The following POLI variants were observed in gnomAD, a reference collection of about 807,000 sequenced individuals.
POLI encodes the protein DNA polymerase iota, also known as RAD30 homolog B.
POLI carries 58 observed loss-of-function variants against 51.6 expected under a neutral mutation model. The ratio of observed to expected loss-of-function variants is 1.12; its 90% CI spans 0.91 to 1.40. The LOEUF (loss-of-function observed/expected upper bound fraction) is 1.40, where lower values mean the gene tolerates loss of function less well. POLI is among the 40% of genes most tolerant of loss of function. The pLI is 0.00. For missense variants in POLI, 921 were observed against 871.3 expected (o/e 1.06, Z -0.72); for synonymous variants, 322 against 299.7 (o/e 1.07, Z -0.77).
chr18:54,281,025 T>A (rs2087476913), intron 5 of POLI, 122 bp downstream of exon 5: 1 of 573,174 alleles, frequency 1.7e-6, no homozygotes, highest in African/African-American at 1.9e-5. Flanking sequence ...TGTGCATGTG[T>A]GTGTGTGTGT....
At chr18:54,278,379 TTTA>T (rs1307184980) in intron 4 of POLI, among the ~76,000 whole-genome samples, 2 of 152,226 alleles carry the variant, frequency 1.3e-5, no homozygotes, top group African/African-American at 2.4e-5. Context: ...GGAATAATTT[TTTA>T]TTATTCTAAA....
In POLI at chr18:54,282,817, A is replaced by G. The variant is rs1279496680; in HGVS notation, c.797-20A>G. 2.9e-6 allele frequency: 4 copies of G among 1,356,712 alleles called. No individual in the cohort carries two copies. In the South Asian group the frequency reaches 4.0e-5, roughly 14 times the overall value. 84.0% of individuals were successfully genotyped at this position (1,356,712 alleles called of 1,614,324 possible). ...AGGAGAAAAGCTATTTTAACATTGT[A>G]TGCATTTCTTTTTATTTAGGTATTG... On this transcript the variant is annotated intron_variant, in intron 5 of 9. Transcript: ENST00000579534.
intron 3 of POLI, among the ~76,000 whole-genome samples, chr18:54,274,533 A>G (rs951406374): frequency 2.0e-5 from 3 of 151,834 alleles, no homozygotes; most frequent in African/African-American, 7.2e-5. Flanking sequence ...ATATTAATAA[A>G]AATATTGGAT....
At chr18:54,299,647 C>T (rs559315921), downstream of POLI, among the ~76,000 whole-genome samples, 1 of 152,160 alleles carries the variant, frequency 6.6e-6, no homozygotes, top group South Asian at 2.1e-4. Context: ...TTCAGGCAGG[C>T]TAATACATGT....
rs2088162406 is a variant in POLI at position 54,294,020 on chromosome 18, A to G, written c.1776A>G (p.Lys592=). The change falls in exon 10 of 10, where the codon AAA becomes AAG. Residue 592 remains lysine (K), a synonymous_variant. Transcript: ENST00000579534. ...INPRDHLSSS[K]QVSSVSPCEP... is the part of the protein sequence containing the mutation. ...CTAGAGATCATTTATCCAGTAGCAA[A>G]CAGGTATCCTCTGTATCTCCTTGTG... is the stretch of plus-strand genomic sequence containing the variant. 1 of 1,613,616 alleles carries G rather than the reference A, an allele frequency of 6.2e-7. No homozygotes were observed. The highest frequency in any genetic ancestry group is 8.5e-7 in the Non-Finnish European group (1 of 1,179,666).
chr18:54,287,511 G>T (rs1372334311), intron 8 of POLI, 100 bp downstream of exon 8: 3 of 768,436 alleles, frequency 3.9e-6, no homozygotes, highest in African/African-American at 3.5e-5. Flanking sequence ...GTCTTCACAG[G>T]GAATTAGCAA....
In POLI at chr18:54,297,288, G is replaced by C; in HGVS notation, c.*2821G>C. On this transcript the variant is annotated 3_prime_UTR_variant, in exon 10 of 10. Transcript: ENST00000579534. ...GCTTTTGTTTCAGCTCGAGTTTGTT[G>C]TTGTTTTTTTTTTTTCCTGTTTCTG... The C allele has an allele frequency of 4.1e-6, 4 of 981,162 alleles. No individual in the cohort carries two copies. The highest frequency in any genetic ancestry group is 4.8e-6 in the Non-Finnish European group (4 of 828,386). The allele number at this position is 981,162 out of a possible 1,614,324, so 60.8% of individuals were successfully genotyped here. A position where few individuals can be genotyped will look rare whatever the true frequency, so the allele number is the denominator to read the frequency against.
At chr18:54,279,938 G>A (rs184584452) in intron 4 of POLI, among the ~76,000 whole-genome samples, 4 of 152,260 alleles carry the variant, frequency 2.6e-5, no homozygotes, top group Non-Finnish European at 4.4e-5. Flanking sequence ...GTAAATATGA[G>A]TAAAAGTTTT....
At chr18:54,291,679 A>G (rs748659978) in intron 8 of POLI, 154 bp from the exon 9 acceptor site, 29 of 446,336 alleles carry the variant, frequency 6.5e-5, no homozygotes, top group Non-Finnish European at 1.1e-4. Flanking sequence ...AAAATTTTTA[A>G]CCATTTAGTA....
chr18:54,273,264 GTTTTATATA>G (rs2087087265), intron 2 of POLI, among the ~76,000 whole-genome samples: 2 of 151,422 alleles, frequency 1.3e-5, no homozygotes, highest in African/African-American at 4.8e-5. Context: ...CCCAGCACTT[GTTTTATATA>G]TTTTATATAC....
rs770961205 is a variant in POLI, at chr18:54,274,100, A to G, written c.406+10A>G. 29 of 1,355,852 alleles carry G rather than the reference A, an allele frequency of 2.1e-5. No homozygotes were observed. The South Asian group carries it at 6.1e-4, about 28-fold the overall frequency. 84.0% of individuals were successfully genotyped at this position (1,355,852 alleles called of 1,614,324 possible). A position where few individuals can be genotyped will look rare whatever the true frequency, so the allele number is the denominator to read the frequency against. On this transcript the variant is annotated intron_variant, in intron 3 of 9. Coordinates refer to ENST00000579534, the MANE Select transcript of POLI (RefSeq NM_007195.3). Reference sequence around the variant, plus strand: ...TCTTATAAGGTTACAGGTACAAATGATAAGCAATGTACTTTTAGCATTAAT... The same window carrying G: ...TCTTATAAGGTTACAGGTACAAATGGTAAGCAATGTACTTTTAGCATTAAT...
intron 3 of POLI, among the ~76,000 whole-genome samples, chr18:54,275,899 C>T (rs1248403658): frequency 6.6e-6 from 1 of 152,052 alleles, no homozygotes; most frequent in African/African-American, 2.4e-5. Flanking sequence ...TAGTCCTTTA[C>T]TGTATTTATC....
chr18:54,304,369 T>C (rs2088543400), intron 3 of POLI, among the ~76,000 whole-genome samples: 1 of 152,202 alleles, frequency 6.6e-6, no homozygotes, highest in Non-Finnish European at 1.5e-5. Flanking sequence ...TAATTTACAC[T>C]CCCACCAACA....
chr18:54,298,722 G>T (rs762005238), downstream of POLI, among the ~76,000 whole-genome samples: 5 of 150,622 alleles, frequency 3.3e-5, no homozygotes, highest in Non-Finnish European at 7.4e-5. Flanking sequence ...TCGAGTAGCT[G>T]GGATTACAGG....
Position 54,297,272 on chromosome 18 carries a change from T to G in POLI, c.*2805T>G. ...TTTCTGCTGCTTTCTTGCTTTTGTTTCAGCTCGAGTTTGTTGTTGTTTTTT... is the reference window on the plus strand; with the variant it reads ...TTTCTGCTGCTTTCTTGCTTTTGTTGCAGCTCGAGTTTGTTGTTGTTTTTT... On this transcript the variant is annotated 3_prime_UTR_variant, in exon 10 of 10. Transcript: ENST00000579534. 1 of 985,208 alleles carries G rather than the reference T, an allele frequency of 1.0e-6. No individual in the cohort carries two copies. Among genetic ancestry groups the G allele is most frequent in the Non-Finnish European group, 1.2e-6 (1 of 829,908 alleles). 61.0% of individuals were successfully genotyped at this position (985,208 alleles called of 1,614,324 possible).
chr18:54,310,050 G>A (rs566429469), intron 3 of POLI, among the ~76,000 whole-genome samples: 144 of 152,292 alleles, frequency 9.5e-4, no homozygotes, highest in African/African-American at 3.3e-3. Flanking sequence ...TCCCAGGTGA[G>A]GTGATGCCCC....
chr18:54,309,896 G>T (rs761728743), intron 3 of POLI, among the ~76,000 whole-genome samples: 6 of 152,210 alleles, frequency 3.9e-5, no homozygotes, highest in Non-Finnish European at 8.8e-5. Context: ...GCTGAGCCTT[G>T]CCTGGGATAT....
In POLI at chr18:54,297,344, T is replaced by C. The variant is rs2088382131; in HGVS notation, c.*2877T>C. The stretch of plus-strand genomic sequence containing the variant: ...AATGTAGAGGGTATTTTTATTTTTA[T>C]TTTTTCTGTTTCTCTCTTGAGTGTA... On this transcript the variant is annotated 3_prime_UTR_variant, in exon 10 of 10. Transcript: ENST00000579534. 1.0e-6 allele frequency: 1 copy of C among 982,712 alleles called. No homozygotes were observed. Among genetic ancestry groups the C allele is most frequent in the Admixed American group, 6.2e-5 (1 of 16,238 alleles). The allele number at this position is 982,712 out of a possible 1,614,324, so 60.9% of individuals were successfully genotyped here.
At chr18:54,279,483 TC>T (rs1264823736) in intron 4 of POLI, among the ~76,000 whole-genome samples, 1 of 152,162 alleles carries the variant, frequency 6.6e-6, no homozygotes, top group African/African-American at 2.4e-5. Flanking sequence ...TCTCAGATGA[TC>T]CGCTTGCCTT....
Sources: allele counts gnomAD v4.1 joint callset (sites outside exome capture counted in the v4.1 genomes callset), GRCh38; gene constraint gnomAD v4.1.1; transcripts MANE v1.5; gene names NCBI Gene and HGNC (gene_info 2026-07-23, HGNC 2026-07-21).